The following NOVA1 variants were observed in gnomAD, a reference collection of about 807,000 sequenced individuals.
NOVA1 encodes RNA-binding protein Nova-1.
A neutral mutation model predicts 38.0 loss-of-function variants in NOVA1; 7 were observed. The ratio of observed to expected loss-of-function variants is 0.18; its 90% CI spans 0.10 to 0.35. The LOEUF (loss-of-function observed/expected upper bound fraction) is 0.35, where lower values mean the gene tolerates loss of function less well. Ranked by LOEUF, NOVA1 falls within the 10% of genes least tolerant of loss-of-function variation. The probability of loss-of-function intolerance (pLI) is 1.00; values close to 1 mark genes in which losing one functional copy is unlikely to be tolerated. For synonymous variants in NOVA1, 270 were observed against 232.5 expected (o/e 1.16, Z -1.47); for missense variants, 460 against 616.0 (o/e 0.75, Z 2.68).
At chr14:26,486,437 T>C (rs1476008656) in intron 2 of NOVA1, among the ~76,000 whole-genome samples, 1 of 151,778 alleles carries the variant, frequency 6.6e-6, no homozygotes, top group African/African-American at 2.4e-5. Context: ...GGGCCGGGCA[T>C]GGTGGCTCAC....
intron 2 of NOVA1, among the ~76,000 whole-genome samples, chr14:26,505,044 G>A (rs1429018810): frequency 1.3e-5 from 2 of 152,110 alleles, no homozygotes; most frequent in African/African-American, 4.8e-5. Flanking sequence ...AAACAGATGA[G>A]TTAAAAGCAT....
At chr14:26,472,235 T>A in intron 4 of NOVA1, 85 bp downstream of exon 4, 1 of 807,512 alleles carries the variant, frequency 1.2e-6, no homozygotes, top group South Asian at 1.5e-5. Context: ...AACGAATAAA[T>A]CCTTAACCCA....
chr14:26,470,345 T>C, intron 4 of NOVA1: 1 of 1,464,870 alleles, frequency 6.8e-7, no homozygotes, highest in African/African-American at 1.4e-5. Context: ...GATTAGAATC[T>C]ACTGGAAAAT....
At chr14:26,581,081 A>G (rs1032089242) in intron 2 of NOVA1, among the ~76,000 whole-genome samples, 1 of 152,048 alleles carries the variant, frequency 6.6e-6, no homozygotes, top group Non-Finnish European at 1.5e-5. Context: ...TTACGCAGAT[A>G]AAAAACTGGA....
intron 4 of NOVA1, chr14:26,470,509 GA>G (rs1884503425): frequency 1.4e-6 from 2 of 1,476,122 alleles, no homozygotes; most frequent in East Asian, 4.6e-5. Flanking sequence ...AAGAACAGAA[GA>G]AAACAGAGTA....
chr14:26,529,537 A>G (rs1354524805), intron 2 of NOVA1, among the ~76,000 whole-genome samples: 1 of 152,146 alleles, frequency 6.6e-6, no homozygotes. Flanking sequence ...AGCAATGGTG[A>G]ATGTATACTT....
chr14:26,571,245 C>A (rs568097500), intron 2 of NOVA1, among the ~76,000 whole-genome samples: 1 of 151,990 alleles, frequency 6.6e-6, no homozygotes, highest in Admixed American at 6.5e-5. Context: ...AGTGTCCTCA[C>A]GTTCTAAAAA....
intron 2 of NOVA1, among the ~76,000 whole-genome samples, chr14:26,551,516 A>G (rs542442542): frequency 6.6e-5 from 10 of 152,200 alleles, no homozygotes; most frequent in Non-Finnish European, 1.2e-4. Context: ...TTTCAAAATA[A>G]AAATGTTAAG....
chr14:26,516,171 A>G (rs949958372), intron 2 of NOVA1, among the ~76,000 whole-genome samples: 7 of 152,120 alleles, frequency 4.6e-5, no homozygotes, highest in African/African-American at 1.7e-4. Flanking sequence ...TTGAGTGTTT[A>G]TCGGCCATTA....
chr14:26,544,138 C>T (rs1397472948), intron 2 of NOVA1, among the ~76,000 whole-genome samples: 2 of 151,516 alleles, frequency 1.3e-5, no homozygotes, highest in African/African-American at 4.8e-5. Context: ...CCTAGGAAAA[C>T]ATTAATCCAT....
At chr14:26,548,657 C>G (rs1317292615) in intron 2 of NOVA1, among the ~76,000 whole-genome samples, 1 of 151,990 alleles carries the variant, frequency 6.6e-6, no homozygotes, top group East Asian at 1.9e-4. Flanking sequence ...ATAAACATGC[C>G]AAACTATTAC....
At chr14:26,548,825 A>G (rs1890987963) in intron 2 of NOVA1, among the ~76,000 whole-genome samples, 1 of 151,200 alleles carries the variant, frequency 6.6e-6, no homozygotes, top group African/African-American at 2.4e-5. Flanking sequence ...AAAAAAATTG[A>G]GCAGAGCACA....
chr14:26,516,922 T>TTG (rs56262364), intron 2 of NOVA1, among the ~76,000 whole-genome samples: 3 of 151,066 alleles, frequency 2.0e-5, no homozygotes, highest in Non-Finnish European at 3.0e-5. Flanking sequence ...TTTTTTTTTT[T>TTG]GGAGATGGAG....
At chr14:26,565,394 G>A (rs919240659) in intron 2 of NOVA1, among the ~76,000 whole-genome samples, 7 of 152,020 alleles carry the variant, frequency 4.6e-5, no homozygotes, top group African/African-American at 1.4e-4. Context: ...ACATTCTTTC[G>A]TGTCCCTCAG....
intron 2 of NOVA1, among the ~76,000 whole-genome samples, chr14:26,543,260 G>T (rs1256393279): frequency 1.3e-5 from 2 of 151,598 alleles, no homozygotes; most frequent in African/African-American, 4.8e-5. Context: ...ACTTTTTTTG[G>T]AACAAGGAGA....
intron 2 of NOVA1, among the ~76,000 whole-genome samples, chr14:26,498,676 T>C (rs1168268826): frequency 4.6e-5 from 7 of 152,284 alleles, no homozygotes; most frequent in Non-Finnish European, 4.4e-5. Flanking sequence ...CAACCCAATT[T>C]GACATTAAAA....
intron 2 of NOVA1, among the ~76,000 whole-genome samples, chr14:26,532,520 AG>A (rs1037119187): frequency 6.6e-6 from 1 of 152,116 alleles, no homozygotes; most frequent in Non-Finnish European, 1.5e-5. Context: ...CTATGGCAGG[AG>A]GGGGTTAAGG....
chr14:26,531,751 G>A (rs533140159), intron 2 of NOVA1, among the ~76,000 whole-genome samples: 1 of 152,042 alleles, frequency 6.6e-6, no homozygotes, highest in African/African-American at 2.4e-5. Flanking sequence ...CTCCTGGAAG[G>A]ACACAAACAA....
intron 2 of NOVA1, among the ~76,000 whole-genome samples, chr14:26,517,628 T>C (rs1191629491): frequency 6.6e-6 from 1 of 152,200 alleles, no homozygotes; most frequent in Non-Finnish European, 1.5e-5. Flanking sequence ...ACTTTAAGAA[T>C]GTTAAGATAC....
Sources: allele counts gnomAD v4.1 joint callset (sites outside exome capture counted in the v4.1 genomes callset), GRCh38; gene constraint gnomAD v4.1.1; transcripts MANE v1.5; gene names NCBI Gene and HGNC (gene_info 2026-07-23, HGNC 2026-07-21).